The following MAN1C1 variants were observed in gnomAD, a reference collection of about 807,000 sequenced individuals.
The protein encoded by MAN1C1 is mannosyl-oligosaccharide 1,2-alpha-mannosidase IC.
MAN1C1 carries 49 observed loss-of-function variants against 71.5 expected under a neutral mutation model. That is an observed-to-expected ratio of 0.69 (90% CI 0.54 to 0.87). MAN1C1 has a LOEUF of 0.87. MAN1C1 is among the 40% of genes least tolerant of loss of function. The pLI is 0.00. For synonymous variants in MAN1C1, 352 were observed against 343.7 expected, an observed-to-expected ratio of 1.02 and a Z score of -0.27; for missense variants, 743 against 835.0, an observed-to-expected ratio of 0.89 and a Z score of 1.36.
intron 2 of MAN1C1, among the ~76,000 whole-genome samples, chr1:25,717,185 T>C (rs1404214515): frequency 6.6e-6 from 1 of 152,126 alleles, no homozygotes; most frequent in Non-Finnish European, 1.5e-5. Context: ...AAAGTGGAAT[T>C]GTTGGGTCAT....
chr1:25,625,437 C>G (rs879485540), intron 1 of MAN1C1, among the ~76,000 whole-genome samples: 1 of 152,178 alleles, frequency 6.6e-6, no homozygotes, highest in African/African-American at 2.4e-5. Context: ...ACGATTCCCC[C>G]ATCATCAACC....
intron 1 of MAN1C1, among the ~76,000 whole-genome samples, chr1:25,682,761 G>A (rs941798861): frequency 3.9e-5 from 6 of 152,148 alleles, no homozygotes; most frequent in African/African-American, 1.4e-4. Context: ...CCACTGGCTG[G>A]GCACGGTGGC....
intron 5 of MAN1C1, 95 bp from the exon 6 acceptor site, chr1:25,758,497 T>C (rs1048873038): frequency 2.9e-6 from 3 of 1,017,094 alleles, no homozygotes; most frequent in Non-Finnish European, 4.6e-6. Context: ...GCCTGTCACA[T>C]AGTAGGTGCC....
At chr1:25,760,890 A>T (rs975468622) in intron 6 of MAN1C1, 1 of 152,274 alleles carries the variant, frequency 6.6e-6, no homozygotes, top group East Asian at 1.9e-4. Context: ...TCTCACCTTC[A>T]TAGCCCCAAA....
At chr1:25,668,156 C>T (rs1037221877) in intron 1 of MAN1C1, among the ~76,000 whole-genome samples, 94 of 152,306 alleles carry the variant, frequency 6.2e-4, no homozygotes, top group African/African-American at 1.6e-3. Context: ...ATGCATTTCT[C>T]AGGCTATAAA....
chr1:25,665,071 G>T (rs575836484), intron 1 of MAN1C1, among the ~76,000 whole-genome samples: 1 of 152,302 alleles, frequency 6.6e-6, no homozygotes, highest in South Asian at 2.1e-4. Context: ...AAAGGTGCAC[G>T]GCCTGTGTAG....
chr1:25,772,050 C>T (rs2047560014), intron 8 of MAN1C1: 1 of 388,304 alleles, frequency 2.6e-6, no homozygotes. Context: ...CGGGAAGTGA[C>T]CGTCAGTCTG....
At chr1:25,705,917 T>A (rs896651112) in intron 2 of MAN1C1, among the ~76,000 whole-genome samples, 1 of 152,232 alleles carries the variant, frequency 6.6e-6, no homozygotes, top group African/African-American at 2.4e-5. Context: ...CACTCCAGCC[T>A]CGGTGACAGA....
At position 25,725,976 on chromosome 1, in the gene MAN1C1, C is replaced by G. The variant is rs1263641928; in HGVS notation, c.638-20692C>G. ...GTGAGGCTTTCATCTGAGTGAGCTG[C>G]CCAGCTGGGCATGGGCTGGATCACA... On this transcript the variant is annotated intron_variant, in intron 2 of 11. Coordinates refer to ENST00000374332, the MANE Select transcript of MAN1C1 (RefSeq NM_020379.4). The surrounding 1 kb of genome is among the most constrained non-coding windows in gnomAD (Gnocchi z 4.8). Among the ~76,000 whole-genome samples, 2 of 152,192 alleles carry G rather than the reference C, an allele frequency of 1.3e-5. No homozygotes were observed. The highest frequency in any genetic ancestry group is 4.8e-5 in the African/African-American group (2 of 41,448).
At chr1:25,681,778 A>G (rs1001874944) in intron 1 of MAN1C1, among the ~76,000 whole-genome samples, 16 of 152,190 alleles carry the variant, frequency 1.1e-4, no homozygotes. Flanking sequence ...TTCTGATTTC[A>G]GCATATCCTG....
chr1:25,710,932 G>C (rs530136311), intron 2 of MAN1C1, among the ~76,000 whole-genome samples: 2 of 152,218 alleles, frequency 1.3e-5, no homozygotes, highest in African/African-American at 4.8e-5. Flanking sequence ...AGGCCTCGGG[G>C]TCCTCACTTG....
intron 1 of MAN1C1, among the ~76,000 whole-genome samples, chr1:25,656,613 G>T (rs1028140804): frequency 3.9e-5 from 6 of 152,132 alleles, no homozygotes; most frequent in Non-Finnish European, 8.8e-5. Context: ...AATCTTCTGT[G>T]TGTGTCTTTC....
intron 1 of MAN1C1, among the ~76,000 whole-genome samples, chr1:25,636,389 C>T (rs1158475012): frequency 6.6e-6 from 1 of 152,126 alleles, no homozygotes; most frequent in Non-Finnish European, 1.5e-5. Flanking sequence ...GTTTATAGAC[C>T]TCCCCCCAGG....
intron 7 of MAN1C1, among the ~76,000 whole-genome samples, chr1:25,770,930 G>A (rs1244823482): frequency 2.6e-5 from 4 of 152,186 alleles, no homozygotes; most frequent in African/African-American, 4.8e-5. Context: ...TCAAAGCCTG[G>A]GAGCGAAGTG....
intron 1 of MAN1C1, among the ~76,000 whole-genome samples, chr1:25,625,030 G>A (rs560136542): frequency 3.9e-5 from 5 of 128,442 alleles, no homozygotes; most frequent in Non-Finnish European, 7.8e-5. Flanking sequence ...TTTTGAGATG[G>A]AGTCTTGCTC....
chr1:25,635,284 T>C (rs945923686), intron 1 of MAN1C1, among the ~76,000 whole-genome samples: 1 of 151,588 alleles, frequency 6.6e-6, no homozygotes, highest in African/African-American at 2.4e-5. Context: ...TTGGGGGGGG[T>C]TAATTATTAA....
rs116129740 is a variant in MAN1C1, at chr1:25,700,621, C to T, written c.637+14085C>T. Reference sequence around the variant, plus strand: ...CCTAAGGAACACATCTATGAGAAAGCGGGCATTTAAGAAGAGAGGCTTGTC... The same window carrying T: ...CCTAAGGAACACATCTATGAGAAAGTGGGCATTTAAGAAGAGAGGCTTGTC... On this transcript the variant is annotated intron_variant, in intron 2 of 11. Transcript: ENST00000374332. Among the ~76,000 whole-genome samples the T allele has an allele frequency of 8.4e-3, 1,273 of 152,272 alleles. 6 individuals are homozygous for T. The highest frequency in any genetic ancestry group is 0.017 in the South Asian group (83 of 4,828).
At chr1:25,629,595 A>G (rs532714962) in intron 1 of MAN1C1, among the ~76,000 whole-genome samples, 3 of 152,010 alleles carry the variant, frequency 2.0e-5, no homozygotes, top group African/African-American at 4.8e-5. Flanking sequence ...GATTTCTTGT[A>G]TTTTTAGTAG....
Position 25,730,072 on chromosome 1 carries a change from C to A in MAN1C1, c.638-16596C>A, listed in dbSNP as rs901130475. On this transcript the variant is annotated intron_variant, in intron 2 of 11. Coordinates refer to ENST00000374332, the MANE Select transcript of MAN1C1 (RefSeq NM_020379.4). The surrounding 1 kb of genome is among the most constrained non-coding windows in gnomAD (Gnocchi z 4.3). Reference sequence around the variant, plus strand: ...GCCTCCGTAAGGACAGAGGTCAGGCCTGATGCATCCTAGAATCTTCCTCAC... The same window carrying A: ...GCCTCCGTAAGGACAGAGGTCAGGCATGATGCATCCTAGAATCTTCCTCAC... Among the ~76,000 whole-genome samples, 7 of 152,192 alleles carry A rather than the reference C, an allele frequency of 4.6e-5. No homozygotes were observed. The highest frequency in any genetic ancestry group is 1.7e-4 in the African/African-American group (7 of 41,432).
Sources: gnomAD v4.1 joint callset for allele counts (sites outside exome capture counted in the v4.1 genomes callset) on GRCh38, gnomAD v4.1.1 for gene constraint, Gnocchi (gnomAD v3.1) non-coding constraint, MANE v1.5 for transcripts, NCBI Gene and HGNC (gene_info 2026-07-23, HGNC 2026-07-21) for gene names.